The following ERC1 variants were observed in gnomAD, a reference collection of about 807,000 sequenced individuals.
ERC1 encodes ELKS/RAB6-interacting/CAST family member 1.
In ERC1, 56 loss-of-function variants were observed where a neutral mutation model predicts 132.0. The observed-to-expected ratio is 0.42, with a 90% CI of 0.34 to 0.53. The LOEUF is 0.53. Among genes scored for constraint, ERC1 ranks in the 20% least tolerant of loss-of-function variants. ERC1 has a pLI of 0.03. For missense variants in ERC1, 1,202 were observed against 1,349.9 expected (o/e 0.89, Z 1.72); for synonymous variants, 478 against 476.1 (o/e 1.00, Z -0.05).
chr12:1,377,348 A>G lies in ERC1; in HGVS notation c.2925+5371A>G, dbSNP rs1028924468. Among the ~76,000 whole-genome samples, 7 of 152,190 alleles carry G rather than the reference A, an allele frequency of 4.6e-5. 1 individual carries two copies. Among genetic ancestry groups the G allele is most frequent in the East Asian group, 3.8e-4 (2 of 5,198 alleles). ...CTGATTAGGTTGGGAAAACCAGCCT[A>G]TGCTTTGAATTGGCCGTTTCTGCAA... On this transcript the variant is annotated intron_variant, in intron 16 of 18. Coordinates refer to ENST00000360905, the MANE Select transcript of ERC1 (RefSeq NM_178040.4).
At chr12:1,326,426 C>T (rs1158711381) in intron 15 of ERC1, among the ~76,000 whole-genome samples, 1 of 152,146 alleles carries the variant, frequency 6.6e-6, no homozygotes, top group African/African-American at 2.4e-5. Flanking sequence ...CAAAGCTCAC[C>T]CTTTGAAGCA....
intron 8 of ERC1, among the ~76,000 whole-genome samples, chr12:1,178,747 C>G (rs1954028183): frequency 6.6e-6 from 1 of 152,110 alleles, no homozygotes; most frequent in African/African-American, 2.4e-5. Context: ...TCTCCTGCTT[C>G]ATTTCTCTCC....
At chr12:1,342,483 CAA>C (rs1164138794) in intron 15 of ERC1, among the ~76,000 whole-genome samples, 101 of 127,922 alleles carry the variant, frequency 7.9e-4, no homozygotes, top group African/African-American at 2.2e-3. Context: ...AAAAAAAAAA[CAA>C]AAAAAAGATA....
At chr12:1,224,570 A>C (rs539830029) in intron 12 of ERC1, among the ~76,000 whole-genome samples, 1 of 152,336 alleles carries the variant, frequency 6.6e-6, no homozygotes. Context: ...GATATAGGCA[A>C]ACAACCTATT....
intron 17 of ERC1, among the ~76,000 whole-genome samples, chr12:1,415,402 A>G (rs982301461): frequency 6.6e-6 from 1 of 152,258 alleles, no homozygotes; most frequent in African/African-American, 2.4e-5. Context: ...GATTTGGACC[A>G]GTATGCTAGA....
intron 12 of ERC1, among the ~76,000 whole-genome samples, chr12:1,225,449 T>TACACAC (rs67132193): frequency 0.018 from 2,430 of 131,708 alleles, 48 homozygotes; most frequent in African/African-American, 0.04. Flanking sequence ...GGCTGTCTCT[T>TACACAC]ACACACACAC....
chr12:1,372,716 C>T (rs930214095), intron 16 of ERC1, among the ~76,000 whole-genome samples: 3 of 152,238 alleles, frequency 2.0e-5, no homozygotes, highest in Non-Finnish European at 4.4e-5. Flanking sequence ...GCAGCATCCG[C>T]GTCCCAGCCT....
chr12:1,176,821 A>G (rs1359265488), intron 8 of ERC1, among the ~76,000 whole-genome samples: 3 of 152,208 alleles, frequency 2.0e-5, no homozygotes, highest in Non-Finnish European at 4.4e-5. Flanking sequence ...TCTTTTGCCA[A>G]TAAAAGGCTG....
At chr12:1,076,774 A>G (rs1941422453) in intron 2 of ERC1, among the ~76,000 whole-genome samples, 1 of 152,220 alleles carries the variant, frequency 6.6e-6, no homozygotes, top group African/African-American at 2.4e-5. Flanking sequence ...TACAGTAGCC[A>G]TTTACTTTCA....
At chr12:1,149,896 G>A (rs557862202) in intron 8 of ERC1, among the ~76,000 whole-genome samples, 1 of 152,228 alleles carries the variant, frequency 6.6e-6, no homozygotes, top group South Asian at 2.1e-4. Context: ...TGACATGGGT[G>A]GTGGTGGATA....
intron 8 of ERC1, among the ~76,000 whole-genome samples, chr12:1,165,527 T>C (rs1033418358): frequency 1.3e-5 from 2 of 152,144 alleles, no homozygotes; most frequent in African/African-American, 2.4e-5. Flanking sequence ...AAGATGGTCT[T>C]GATCTCCTGA....
chr12:1,347,872 ACT>A (rs2084631017), intron 15 of ERC1, among the ~76,000 whole-genome samples: 1 of 152,172 alleles, frequency 6.6e-6, no homozygotes, highest in Non-Finnish European at 1.5e-5. Flanking sequence ...AGTCCCAGCT[ACT>A]CAGGAGGCTG....
chr12:1,159,897 G>C lies in ERC1; in HGVS notation c.1737+18110G>C, dbSNP rs572015098. Among the ~76,000 whole-genome samples the C allele has an allele frequency of 3.0e-4, 45 of 152,244 alleles. No homozygotes were observed. The South Asian group carries it at 3.5e-3, about 12-fold the overall frequency. ...TAGAGTGGATATAATAGCTACTTAA[G>C]GATGTTCTTGTTTAACGATGTAATG... On this transcript the variant is annotated intron_variant, in intron 8 of 18. Transcript: ENST00000360905.
rs546584551 is a variant in ERC1 at position 1,003,760 on chromosome 12, G to A, written c.-157+12438G>A. On this transcript the variant is annotated intron_variant, in intron 1 of 18. Coordinates refer to ENST00000360905, the MANE Select transcript of ERC1 (RefSeq NM_178040.4). The stretch of plus-strand genomic sequence containing the variant: ...GACACAGAGAGCCTCTTTAGACTCA[G>A]ACAGTTTATCTGTTACATAGTCGGC... Among the ~76,000 whole-genome samples, 10 of 152,320 alleles carry A rather than the reference G, an allele frequency of 6.6e-5. No homozygotes were observed. The South Asian group carries it at 2.1e-3, about 32-fold the overall frequency.
At chr12:1,091,080 G>A (rs918352408) in intron 3 of ERC1, among the ~76,000 whole-genome samples, 1 of 152,054 alleles carries the variant, frequency 6.6e-6, no homozygotes, top group Non-Finnish European at 1.5e-5. Flanking sequence ...GTAGAGATGG[G>A]GTTTCGCCAT....
chr12:1,020,810 C>T (rs1265616613), intron 1 of ERC1: 2 of 152,208 alleles, frequency 1.3e-5, no homozygotes, highest in Non-Finnish European at 2.9e-5. Context: ...GGAAGCAAGT[C>T]ATTAAGTCCA....
At chr12:1,447,966 G>A (rs1477988633) in intron 18 of ERC1, among the ~76,000 whole-genome samples, 1 of 152,082 alleles carries the variant, frequency 6.6e-6, no homozygotes, top group Admixed American at 6.5e-5. Flanking sequence ...TCTTTGAAAT[G>A]GAAAAGATAT....
At chr12:1,064,658 A>G (rs767653279) in intron 2 of ERC1, among the ~76,000 whole-genome samples, 9 of 152,084 alleles carry the variant, frequency 5.9e-5, no homozygotes, top group Non-Finnish European at 1.0e-4. Flanking sequence ...CTCCCAAAGC[A>G]TTGGGATTGC....
chr12:1,261,816 C>T (rs182980911), intron 13 of ERC1, among the ~76,000 whole-genome samples: 11 of 152,220 alleles, frequency 7.2e-5, no homozygotes, highest in Admixed American at 3.3e-4. Context: ...ATGAACATCA[C>T]GTACAGCACC....
Sources: gnomAD v4.1 joint callset for allele counts (sites outside exome capture counted in the v4.1 genomes callset) on GRCh38, gnomAD v4.1.1 for gene constraint, MANE v1.5 for transcripts, NCBI Gene and HGNC (gene_info 2026-07-23, HGNC 2026-07-21) for gene names.